Variants in BRSK1 observed in about 807,000 individuals in gnomAD.
BRSK1 encodes the protein serine/threonine-protein kinase BRSK1.
BRSK1 carries 17 observed loss-of-function variants against 86.2 expected under a neutral mutation model. The observed-to-expected ratio is 0.20, with a 90% CI of 0.14 to 0.30. The LOEUF (loss-of-function observed/expected upper bound fraction) is 0.30. BRSK1 is among the 10% of genes least tolerant of loss of function. The pLI is 1.00. For synonymous variants in BRSK1, 464 were observed against 440.1 expected, an observed-to-expected ratio of 1.05 and a Z score of -0.68; for missense variants, 719 against 1,071.9, an observed-to-expected ratio of 0.67 and a Z score of 4.60.
Position 55,287,180 on chromosome 19 carries a change from C to A in BRSK1, c.232-34C>A, listed in dbSNP as rs1444759835. 1.2e-6 allele frequency: 2 copies of A among 1,613,564 alleles called. No individual in the cohort carries two copies. The highest frequency in any genetic ancestry group is 2.7e-5 in the African/African-American group (2 of 74,884). On this transcript the variant is annotated intron_variant, in intron 2 of 18. Transcript: ENST00000309383. This position sits in a 1 kb window ranked among gnomAD's most constrained non-coding sequence, Gnocchi z 5.3. The stretch of plus-strand genomic sequence containing the variant: ...GGCAGGGGCGGGGCCGTGCTGACCT[C>A]TTTTCCCGTGTCCCCACCCCTCTTG...
chr19:55,307,015 GAGGCTTGGCACA>G (rs1198331011), intron 17 of BRSK1, among the ~76,000 whole-genome samples: 2 of 152,172 alleles, frequency 1.3e-5, no homozygotes, highest in Admixed American at 1.3e-4. Context: ...ATGACCAGTC[GAGGCTTGGCACA>G]AGAAAGGAAA....
intron 4 of BRSK1, among the ~76,000 whole-genome samples, chr19:55,292,950 G>A (rs550291937): frequency 3.9e-5 from 6 of 152,194 alleles, no homozygotes; most frequent in African/African-American, 1.4e-4. Flanking sequence ...CAAGGCTGCA[G>A]TGAGCTATGA....
At position 55,312,027 on chromosome 19, in the gene BRSK1, G is replaced by A; in HGVS notation, c.2296G>A (p.Asp766Asn). The A allele has an allele frequency of 2.0e-6, 3 of 1,501,272 alleles. No individual in the cohort carries two copies. The South Asian group carries it at 3.9e-5, about 19-fold the overall frequency. The allele number at this position is 1,501,272 out of a possible 1,614,324, so 93.0% of individuals were successfully genotyped here. A position where few individuals can be genotyped will look rare whatever the true frequency, so the allele number is the denominator to read the frequency against. Residue 766 changes from aspartate to asparagine, a missense_variant, in exon 19 of 19, where the codon GAC becomes AAC. Coordinates refer to ENST00000309383, the MANE Select transcript of BRSK1 (RefSeq NM_032430.2). ...CTCTCCCCGCCGAGGCCCCCCCAAGGACAAGAAGCTCCTGGCCACCAACGG... is the reference window on the plus strand; with the variant it reads ...CTCTCCCCGCCGAGGCCCCCCCAAGAACAAGAAGCTCCTGGCCACCAACGG... ...SSSPRRGPPK[D>N]KKLLATNGTP... is the part of the protein sequence containing the mutation.
intron 4 of BRSK1, among the ~76,000 whole-genome samples, chr19:55,290,027 C>T (rs1268991803): frequency 1.3e-5 from 2 of 152,082 alleles, no homozygotes; most frequent in Non-Finnish European, 2.9e-5. Flanking sequence ...TGGAGTTTTG[C>T]TCTTGTTGCC....
chr19:55,295,478 C>A (rs1419124447), intron 7 of BRSK1, among the ~76,000 whole-genome samples: 1 of 152,122 alleles, frequency 6.6e-6, no homozygotes, highest in Non-Finnish European at 1.5e-5. Context: ...ACCAACAGAC[C>A]AAGATCCTGG....
At chr19:55,307,464 G>A (rs2088670207) in intron 17 of BRSK1, among the ~76,000 whole-genome samples, 2 of 148,014 alleles carry the variant, frequency 1.4e-5, no homozygotes, top group East Asian at 2.0e-4. Flanking sequence ...CAGGAGAATC[G>A]CTTGAACTCA....
chr19:55,299,942 C>G (rs947255063), intron 7 of BRSK1, among the ~76,000 whole-genome samples: 1 of 152,168 alleles, frequency 6.6e-6, no homozygotes, highest in Admixed American at 6.5e-5. Context: ...ACACCATCAC[C>G]TCCCATGAGT....
intron 4 of BRSK1, among the ~76,000 whole-genome samples, chr19:55,292,521 G>A (rs1337893624): frequency 5.3e-5 from 8 of 152,070 alleles, no homozygotes; most frequent in Admixed American, 3.9e-4. Flanking sequence ...TTTTGGGCAC[G>A]TTTGTGATTG....
chr19:55,312,001 G>A lies in BRSK1; in HGVS notation c.2270G>A (p.Ser757Asn). ...GGCCGCCCAGACCCAGAGCTGAGCA[G>A]CTCTCCCCGCCGAGGCCCCCCCAAG... ...PPGRPDPELS[S>N]SPRRGPPKDK... Residue 757 changes from serine to asparagine, a missense_variant, in exon 19 of 19, where the codon AGC (serine) becomes AAC (asparagine). This residue lies in a region of BRSK1 where 82 missense variants were observed against 72.6 expected (regional missense o/e 1.13). Coordinates refer to ENST00000309383, the MANE Select transcript of BRSK1 (RefSeq NM_032430.2). 6.5e-7 allele frequency: 1 copy of A among 1,532,476 alleles called. No homozygotes were observed. Among genetic ancestry groups the A allele is most frequent in the Non-Finnish European group, 8.8e-7 (1 of 1,138,182 alleles). The allele number at this position is 1,532,476 out of a possible 1,614,324, so 94.9% of individuals were successfully genotyped here.
At chr19:55,289,967 A>C (rs2088380005) in intron 4 of BRSK1, among the ~76,000 whole-genome samples, 1 of 152,008 alleles carries the variant, frequency 6.6e-6, no homozygotes, top group South Asian at 2.1e-4. Context: ...ATATAAATGG[A>C]ATCATACGAT....
chr19:55,308,762 G>A (rs1157028614), intron 18 of BRSK1, 34 bp downstream of exon 18: 1 of 356,756 alleles, frequency 2.8e-6, no homozygotes. Context: ...TGGGGGGCGT[G>A]GGTGGCGGGG....
At chr19:55,296,350 T>G (rs918770996) in intron 7 of BRSK1, among the ~76,000 whole-genome samples, 26 of 152,346 alleles carry the variant, frequency 1.7e-4, no homozygotes, top group South Asian at 1.2e-3. Context: ...GGCTTGCCTT[T>G]GCAAACCTAA....
chr19:55,311,657 C>A (rs935541142), intron 18 of BRSK1, among the ~76,000 whole-genome samples: 2 of 152,210 alleles, frequency 1.3e-5, no homozygotes, highest in African/African-American at 4.8e-5. Context: ...TTGGACTAAC[C>A]TGGCCCCAGG....
chr19:55,293,503 A>G (rs11879621), intron 4 of BRSK1, among the ~76,000 whole-genome samples: 19,551 of 148,476 alleles, frequency 0.13, 1,399 homozygotes, highest in Middle Eastern at 0.22. Flanking sequence ...CTCCATCTCA[A>G]TAAATAAATA....
Position 55,310,192 on chromosome 19 carries a change from T to C in BRSK1, c.2179+1464T>C, listed in dbSNP as rs1043856374. ...AACACAAGTGATTTTCGTACAGTCC[T>C]GGAGGTCAGAAGTCCCACATGGTCT... On this transcript the variant is annotated intron_variant, in intron 18 of 18. Coordinates refer to ENST00000309383, the MANE Select transcript of BRSK1 (RefSeq NM_032430.2). The surrounding 1 kb of genome is among the most constrained non-coding windows in gnomAD (Gnocchi z 5.0). 6.6e-6 allele frequency among the ~76,000 whole-genome samples: 1 copy of C among 152,212 alleles called. No homozygotes were observed. Among genetic ancestry groups the C allele is most frequent in the South Asian group, 2.1e-4 (1 of 4,836 alleles).
intron 18 of BRSK1, 104 bp from the exon 19 acceptor site, chr19:55,311,807 G>A (rs1221268813): frequency 8.0e-7 from 1 of 1,247,112 alleles, no homozygotes; most frequent in South Asian, 1.4e-5. Context: ...GAGCCTCGGG[G>A]TTACTGAGAC....
chr19:55,309,832 T>C (rs1255377053), intron 18 of BRSK1, among the ~76,000 whole-genome samples: 1 of 152,196 alleles, frequency 6.6e-6, no homozygotes, highest in African/African-American at 2.4e-5. Flanking sequence ...TCAGCCCTCA[T>C]TCCTGAGACA....
rs376322774 is a variant in BRSK1 at position 55,301,517 on chromosome 19, T to A, written c.684T>A (p.Ala228=). 1 of 1,613,592 alleles carries A rather than the reference T, an allele frequency of 6.2e-7. No individual in the cohort carries two copies. Among genetic ancestry groups the A allele is most frequent in the African/African-American group, 1.3e-5 (1 of 74,940 alleles). ...CCTGGTTATCTCTTGCCCAGGGGGCTCTGCCCTTTGATGACGACAACCTCC... is the reference window on the plus strand; with the variant it reads ...CCTGGTTATCTCTTGCCCAGGGGGCACTGCCCTTTGATGACGACAACCTCC... ...GVILFALLVG[A]LPFDDDNLRQ... is the part of the protein sequence containing the mutation. Residue 228 remains alanine (A), a synonymous_variant, in exon 8 of 19, where the codon GCT becomes GCA. Transcript: ENST00000309383.
intron 4 of BRSK1, among the ~76,000 whole-genome samples, chr19:55,290,405 A>G (rs1009143534): frequency 9.9e-5 from 15 of 152,202 alleles, no homozygotes; most frequent in Admixed American, 7.2e-4. Flanking sequence ...TAGGAACAAA[A>G]TTATTCCTAA....
Sources: allele counts gnomAD v4.1 joint callset (sites outside exome capture counted in the v4.1 genomes callset), GRCh38; gene constraint gnomAD v4.1.1; regional missense constraint gnomAD v4.1.1; non-coding constraint Gnocchi (gnomAD v3.1); transcripts MANE v1.5; gene names NCBI Gene and HGNC (gene_info 2026-07-23, HGNC 2026-07-21).